Variants in ODAD2 observed in about 807,000 individuals in gnomAD.
ODAD2 encodes the protein outer dynein arm-docking complex subunit 2.
Under a neutral mutation model 106.8 loss-of-function variants are expected in ODAD2, and 89 were observed. That is an observed-to-expected ratio of 0.83 (90% confidence interval 0.70 to 0.99). ODAD2 has a LOEUF of 0.99. Ranked by LOEUF, ODAD2 falls within the 50% of genes least tolerant of loss-of-function variation. The pLI is 0.00. For synonymous variants in ODAD2, 404 were observed against 436.2 expected, an observed-to-expected ratio of 0.93 and a Z score of 0.92; for missense variants, 1,168 against 1,238.5, an observed-to-expected ratio of 0.94 and a Z score of 0.85.
chr10:27,949,000 T>A (rs1272015165), intron 10 of ODAD2, among the ~76,000 whole-genome samples: 2 of 152,146 alleles, frequency 1.3e-5, no homozygotes, highest in Admixed American at 6.5e-5. Context: ...TACGTTTTTT[T>A]AATTACTTCA....
intron 19 of ODAD2, among the ~76,000 whole-genome samples, chr10:27,824,638 G>C (rs931878466): frequency 2.0e-5 from 3 of 152,114 alleles, no homozygotes; most frequent in African/African-American, 7.2e-5. Context: ...AAATTATCTA[G>C]AACGATCCAT....
intron 15 of ODAD2, among the ~76,000 whole-genome samples, chr10:27,935,949 T>G (rs558835929): frequency 4.6e-5 from 7 of 152,230 alleles, no homozygotes; most frequent in African/African-American, 1.7e-4. Context: ...ATACAGAACA[T>G]TTTCCCTTCC....
At chr10:27,987,679 C>T in intron 2 of ODAD2, 136 bp from the exon 3 acceptor site, 1 of 559,262 alleles carries the variant, frequency 1.8e-6, no homozygotes, top group Non-Finnish European at 2.9e-6. Context: ...TGGTTAGTAG[C>T]TCATCTGTTT....
chr10:27,896,368 T>C (rs1490491925), intron 17 of ODAD2, among the ~76,000 whole-genome samples: 1 of 152,238 alleles, frequency 6.6e-6, no homozygotes, highest in Non-Finnish European at 1.5e-5. Context: ...AGGATCCCTT[T>C]GATAACTTTC....
intron 17 of ODAD2, among the ~76,000 whole-genome samples, chr10:27,893,910 G>T (rs566777601): frequency 6.6e-6 from 1 of 152,306 alleles, no homozygotes; most frequent in South Asian, 2.1e-4. Flanking sequence ...AGTGCTTTGG[G>T]AGGCCGAGGT....
At chr10:27,947,380 G>A (rs1041448594) in intron 10 of ODAD2, among the ~76,000 whole-genome samples, 17 of 152,084 alleles carry the variant, frequency 1.1e-4, no homozygotes, top group African/African-American at 3.6e-4. Flanking sequence ...TAGAAGGATC[G>A]CTTGAGCCTG....
At chr10:27,828,858 A>T (rs2132966685) in intron 19 of ODAD2, among the ~76,000 whole-genome samples, 1 of 152,298 alleles carries the variant, frequency 6.6e-6, no homozygotes, top group East Asian at 1.9e-4. Flanking sequence ...GAATTCTCTA[A>T]ATTATACCCA....
At chr10:27,912,287 A>G (rs998443800) in intron 16 of ODAD2, among the ~76,000 whole-genome samples, 3 of 152,204 alleles carry the variant, frequency 2.0e-5, no homozygotes, top group Non-Finnish European at 4.4e-5. Context: ...TTGACATTAT[A>G]AAAACAAAAC....
intron 14 of ODAD2, 120 bp downstream of exon 14, chr10:27,939,777 T>C (rs1400266921): frequency 2.0e-6 from 1 of 489,022 alleles, no homozygotes; most frequent in Non-Finnish European, 3.5e-6. Context: ...AAAAATCAAA[T>C]AAATAAATAA....
At position 27,995,174 on chromosome 10, in the gene ODAD2, A is replaced by C; in HGVS notation, c.-32T>G. 1 of 1,613,060 alleles carries C rather than the reference A, an allele frequency of 6.2e-7. No homozygotes were observed. The highest frequency in any genetic ancestry group is 8.5e-7 in the Non-Finnish European group (1 of 1,179,388). On this transcript the variant is annotated 5_prime_UTR_variant, in exon 2 of 20. Coordinates refer to ENST00000305242, the MANE Select transcript of ODAD2 (RefSeq NM_018076.5). ...CACCGTGCTCAGACCTGAGCTTAGC[A>C]CACGCACTACATCAGAGCAGAAAGA...
chr10:27,893,041 C>T (rs993890408), intron 17 of ODAD2, among the ~76,000 whole-genome samples: 1 of 151,986 alleles, frequency 6.6e-6, no homozygotes, highest in Admixed American at 6.6e-5. Context: ...TTCCTGTAAT[C>T]CCAGCTACTC....
chr10:27,923,351 T>C (rs534376025), intron 16 of ODAD2, among the ~76,000 whole-genome samples: 2 of 152,206 alleles, frequency 1.3e-5, no homozygotes, highest in South Asian at 4.1e-4. Flanking sequence ...GGGATAAATA[T>C]TCTGTTACCA....
At chr10:27,848,226 A>T (rs1473756382) in intron 19 of ODAD2, among the ~76,000 whole-genome samples, 1 of 152,232 alleles carries the variant, frequency 6.6e-6, no homozygotes, top group Non-Finnish European at 1.5e-5. Flanking sequence ...AAACAGAGAT[A>T]TAGACAAATG....
chr10:27,944,831 A>G lies in ODAD2; in HGVS notation c.1518T>C (p.Asp506=). 1 of 1,614,116 alleles carries G rather than the reference A, an allele frequency of 6.2e-7. No homozygotes were observed. The highest frequency in any genetic ancestry group is 8.5e-7 in the Non-Finnish European group (1 of 1,180,002). The change falls in exon 11 of 20, where the codon GAT becomes GAC. Residue 506 remains aspartate, a synonymous_variant. Transcript: ENST00000305242. ...AGCCACTCACCTTACATTTGACTTC[A>G]TCGGTTTCAAGCAAATTTATCAGCA... ...LEVLINLLET[D]EVKCKIGSLK...
intron 7 of ODAD2, among the ~76,000 whole-genome samples, chr10:27,973,647 T>C (rs894016584): frequency 6.6e-6 from 1 of 152,142 alleles, no homozygotes; most frequent in African/African-American, 2.4e-5. Context: ...TAGTATTCCA[T>C]GGCATATATG....
At position 27,944,079 on chromosome 10, in the gene ODAD2, TA is replaced by T. The variant is rs1295577298; in HGVS notation, c.1743+142del. The T allele has an allele frequency of 1.0e-5, 7 of 682,870 alleles. No individual in the cohort carries two copies. In the East Asian group the frequency reaches 1.6e-4, roughly 16 times the overall value. 42.3% of individuals were successfully genotyped at this position (682,870 alleles called of 1,614,324 possible). ...AATATAAATATGCAAAAATAATTCT[TA>T]AGGGCAAGCGATACAGACAGAAGGC... On this transcript the variant is annotated intron_variant, in intron 12 of 19. Transcript: ENST00000305242.
chr10:27,895,647 C>G (rs1475519706), intron 17 of ODAD2, among the ~76,000 whole-genome samples: 1 of 152,214 alleles, frequency 6.6e-6, no homozygotes, highest in Non-Finnish European at 1.5e-5. Context: ...CTACTAGTCA[C>G]ATTCCAAGCA....
intron 16 of ODAD2, among the ~76,000 whole-genome samples, chr10:27,929,446 A>T (rs986066222): frequency 6.6e-6 from 1 of 152,196 alleles, no homozygotes; most frequent in Non-Finnish European, 1.5e-5. Flanking sequence ...TCTATAAAAT[A>T]TAGATGACTC....
At chr10:27,844,891 A>G (rs1262859733) in intron 19 of ODAD2, among the ~76,000 whole-genome samples, 1 of 152,188 alleles carries the variant, frequency 6.6e-6, no homozygotes, top group Non-Finnish European at 1.5e-5. Context: ...TTGACTTAGC[A>G]GAAGCAAGGT....
Sources: gnomAD v4.1 joint callset for allele counts (sites outside exome capture counted in the v4.1 genomes callset) on GRCh38, gnomAD v4.1.1 for gene constraint, MANE v1.5 for transcripts, NCBI Gene and HGNC (gene_info 2026-07-23, HGNC 2026-07-21) for gene names.